The following TMEM163 variants were observed in gnomAD, a reference collection of about 807,000 sequenced individuals.
TMEM163 encodes transmembrane protein 163.
In TMEM163, 17 loss-of-function variants were observed where a neutral mutation model predicts 29.3. The ratio of observed to expected loss-of-function variants is 0.58; its 90% CI spans 0.40 to 0.87. The LOEUF is 0.87. Among genes scored for constraint, TMEM163 ranks in the 40% least tolerant of loss-of-function variants. The pLI is 0.00. For synonymous variants in TMEM163, 157 were observed against 160.6 expected (o/e 0.98, Z 0.17); for missense variants, 303 against 381.5 (o/e 0.79, Z 1.71).
At chr2:134,601,786 T>C (rs1430339029) in intron 2 of TMEM163, among the ~76,000 whole-genome samples, 11 of 151,846 alleles carry the variant, frequency 7.2e-5, no homozygotes, top group Admixed American at 7.2e-4. Flanking sequence ...AATAAACATA[T>C]GGTACATCCA....
chr2:134,496,617 C>T (rs1030792679), intron 5 of TMEM163, among the ~76,000 whole-genome samples: 4 of 152,172 alleles, frequency 2.6e-5, no homozygotes, highest in African/African-American at 9.7e-5. Context: ...AAATGAACAA[C>T]TGAGAGGGGC....
At chr2:134,548,413 G>A (rs571698132) in intron 4 of TMEM163, among the ~76,000 whole-genome samples, 7 of 152,290 alleles carry the variant, frequency 4.6e-5, no homozygotes, top group Admixed American at 4.6e-4. Flanking sequence ...TGCATTAGTG[G>A]CAACCATATT....
chr2:134,471,880 C>G (rs532863802), intron 5 of TMEM163, among the ~76,000 whole-genome samples: 57 of 152,188 alleles, frequency 3.7e-4, no homozygotes, highest in Non-Finnish European at 7.2e-4. Context: ...TAAACTCTAC[C>G]AGGTTGCCTC....
intron 2 of TMEM163, among the ~76,000 whole-genome samples, chr2:134,609,610 A>G (rs1426407644): frequency 1.2e-5 from 1 of 85,136 alleles, no homozygotes; most frequent in Non-Finnish European, 2.3e-5. Context: ...TGTACTGGTG[A>G]AAAGGAGGAC....
chr2:134,481,809 T>C (rs1163495398), intron 5 of TMEM163, among the ~76,000 whole-genome samples: 2 of 152,124 alleles, frequency 1.3e-5, no homozygotes, highest in Non-Finnish European at 2.9e-5. Context: ...TGAGCTGAGA[T>C]GAAAGTGCTG....
At chr2:134,518,376 A>C (rs1406737599) in intron 4 of TMEM163, among the ~76,000 whole-genome samples, 1 of 152,224 alleles carries the variant, frequency 6.6e-6, no homozygotes, top group Non-Finnish European at 1.5e-5. Context: ...TTTGTGCCTC[A>C]ATCACTAGTA....
intron 2 of TMEM163, among the ~76,000 whole-genome samples, chr2:134,587,680 C>T (rs1032996433): frequency 1.3e-5 from 2 of 152,164 alleles, no homozygotes; most frequent in Non-Finnish European, 2.9e-5. Flanking sequence ...GTTCCTTAAC[C>T]AAAGAGATCC....
chr2:134,534,611 A>G (rs1464645303), intron 4 of TMEM163, among the ~76,000 whole-genome samples: 1 of 152,072 alleles, frequency 6.6e-6, no homozygotes, highest in African/African-American at 2.4e-5. Flanking sequence ...AAAATTAGCC[A>G]GGTGGGGTGG....
intron 2 of TMEM163, among the ~76,000 whole-genome samples, chr2:134,552,656 C>CTTTTTTTTT (rs35785546): frequency 8.8e-6 from 1 of 113,528 alleles, no homozygotes; most frequent in Non-Finnish European, 1.7e-5. Context: ...TATTTTGATC[C>CTTTTTTTTT]TTTTTTTTTT....
chr2:134,602,178 A>G (rs1461690753), intron 2 of TMEM163, among the ~76,000 whole-genome samples: 7 of 152,176 alleles, frequency 4.6e-5, no homozygotes, highest in Non-Finnish European at 7.3e-5. Context: ...CTGGACAGAG[A>G]TCTTGGGCTG....
At chr2:134,582,426 G>C (rs1305066297) in intron 2 of TMEM163, among the ~76,000 whole-genome samples, 3 of 152,192 alleles carry the variant, frequency 2.0e-5, no homozygotes, top group Non-Finnish European at 1.5e-5. Context: ...CAGTTCTCCT[G>C]TCCAGTCTGC....
intron 2 of TMEM163, among the ~76,000 whole-genome samples, chr2:134,570,986 T>C (rs1681409286): frequency 6.6e-6 from 1 of 152,218 alleles, no homozygotes; most frequent in Non-Finnish European, 1.5e-5. Context: ...TTTCCATTGC[T>C]TGTAACTGTG....
intron 3 of TMEM163, among the ~76,000 whole-genome samples, chr2:134,551,205 G>T (rs1680913090): frequency 1.3e-5 from 2 of 151,922 alleles, no homozygotes; most frequent in African/African-American, 4.8e-5. Flanking sequence ...GAAAAATGTA[G>T]GTGTGTGTTT....
chr2:134,530,397 T>C (rs1680393150), intron 4 of TMEM163, among the ~76,000 whole-genome samples: 1 of 152,172 alleles, frequency 6.6e-6, no homozygotes, highest in Non-Finnish European at 1.5e-5. Flanking sequence ...TACCTCAGCC[T>C]CCTGAGTACC....
At chr2:134,645,791 G>A (rs1407349483) in intron 2 of TMEM163, among the ~76,000 whole-genome samples, 1 of 152,176 alleles carries the variant, frequency 6.6e-6, no homozygotes, top group East Asian at 1.9e-4. Context: ...GAACAGATCA[G>A]TGGTTGCCAG....
At chr2:134,507,966 C>CTT (rs5834419) in intron 4 of TMEM163, among the ~76,000 whole-genome samples, 10 of 151,514 alleles carry the variant, frequency 6.6e-5, no homozygotes, top group African/African-American at 2.2e-4. Flanking sequence ...TTAAAGCCTC[C>CTT]TTTTTTTTTC....
At chr2:134,555,522 G>A (rs1023655727) in intron 2 of TMEM163, among the ~76,000 whole-genome samples, 4 of 152,198 alleles carry the variant, frequency 2.6e-5, no homozygotes, top group African/African-American at 4.8e-5. Context: ...TTCTGAACTC[G>A]GACAATTATG....
At chr2:134,463,602 T>A (rs1004277609) in intron 6 of TMEM163, among the ~76,000 whole-genome samples, 1 of 152,182 alleles carries the variant, frequency 6.6e-6, no homozygotes, top group African/African-American at 2.4e-5. Flanking sequence ...GTATGCTGTG[T>A]CATTCTCAGG....
At chr2:134,606,824 C>T (rs1682379918) in intron 2 of TMEM163, among the ~76,000 whole-genome samples, 1 of 152,198 alleles carries the variant, frequency 6.6e-6, no homozygotes, top group Non-Finnish European at 1.5e-5. Context: ...GAGTGAATCT[C>T]TGGATTTGGT....
Sources: gnomAD v4.1 joint callset for allele counts (sites outside exome capture counted in the v4.1 genomes callset) on GRCh38, gnomAD v4.1.1 for gene constraint, MANE v1.5 for transcripts, NCBI Gene and HGNC (gene_info 2026-07-23, HGNC 2026-07-21) for gene names.